The following GRIA1 variants were observed in gnomAD, a reference collection of about 807,000 sequenced individuals.
The protein encoded by GRIA1 is glutamate ionotropic receptor AMPA type subunit 1.
Under a neutral mutation model 99.2 loss-of-function variants are expected in GRIA1, and 31 were observed. That is an observed-to-expected ratio of 0.31 (90% confidence interval 0.23 to 0.42). The LOEUF (loss-of-function observed/expected upper bound fraction) is 0.42. Ranked by LOEUF, GRIA1 falls within the 10% of genes least tolerant of loss-of-function variation. GRIA1 has a pLI of 1.00. For missense variants in GRIA1, 782 were observed against 1,157.5 expected, an observed-to-expected ratio of 0.68 and a Z score of 4.71; for synonymous variants, 438 against 432.4, an observed-to-expected ratio of 1.01 and a Z score of -0.16.
chr5:153,809,495 GA>G (rs35437029), intron 15 of GRIA1, among the ~76,000 whole-genome samples: 5 of 152,212 alleles, frequency 3.3e-5, no homozygotes, highest in East Asian at 1.9e-4. Flanking sequence ...GATAGCAGGG[GA>G]AAAAAATGGG....
At chr5:153,803,724 G>C (rs1314236600) in intron 15 of GRIA1, among the ~76,000 whole-genome samples, 1 of 152,122 alleles carries the variant, frequency 6.6e-6, no homozygotes, top group East Asian at 1.9e-4. Flanking sequence ...GGTAGAATTT[G>C]CTTTATTAGA....
chr5:153,659,270 T>G (rs1449766005), intron 5 of GRIA1, among the ~76,000 whole-genome samples: 2 of 152,372 alleles, frequency 1.3e-5, no homozygotes, highest in South Asian at 2.1e-4. Flanking sequence ...TACATATGCA[T>G]ATATATGCTT....
chr5:153,653,322 G>C (rs946254445), intron 4 of GRIA1, among the ~76,000 whole-genome samples: 1 of 152,166 alleles, frequency 6.6e-6, no homozygotes, highest in Non-Finnish European at 1.5e-5. Context: ...GGCATGTGAG[G>C]GCTGGGTTTC....
In GRIA1 at chr5:153,691,627, T is replaced by G. The variant is rs1757763377; in HGVS notation, c.1134+5298T>G. Among the ~76,000 whole-genome samples, 5 of 152,340 alleles carry G rather than the reference T, an allele frequency of 3.3e-5. No homozygotes were observed. In the South Asian group the frequency reaches 1.0e-3, roughly 32 times the overall value. On this transcript the variant is annotated intron_variant, in intron 8 of 15. Coordinates refer to ENST00000285900, the MANE Select transcript of GRIA1 (RefSeq NM_000827.4). ...TTTATAGCTTGCCATTCCATATGCT[T>G]TTTGGAAGTTTTGCTTTAAATCCTT...
intron 2 of GRIA1, among the ~76,000 whole-genome samples, chr5:153,628,832 T>C (rs945822732): frequency 6.6e-6 from 1 of 152,186 alleles, no homozygotes; most frequent in Admixed American, 6.5e-5. Context: ...GTCCACTCTT[T>C]GTTGTGTGTT....
chr5:153,498,611 A>G (rs1162287038), intron 2 of GRIA1, among the ~76,000 whole-genome samples: 1 of 152,204 alleles, frequency 6.6e-6, no homozygotes, highest in Non-Finnish European at 1.5e-5. Context: ...CAACAGAGAG[A>G]TGGCCTTAGC....
At chr5:153,702,800 A>G (rs1345143837) in intron 10 of GRIA1, among the ~76,000 whole-genome samples, 1 of 152,236 alleles carries the variant, frequency 6.6e-6, no homozygotes, top group Non-Finnish European at 1.5e-5. Flanking sequence ...GTTTAAGAAA[A>G]TAATTTTGAC....
In GRIA1 at chr5:153,674,458, C is replaced by T. The variant is rs972644971; in HGVS notation, c.700-42C>T. The T allele has an allele frequency of 1.4e-5, 23 of 1,608,310 alleles. No homozygotes were observed. The Admixed American group carries it at 3.0e-4, about 21-fold the overall frequency. On this transcript the variant is annotated intron_variant, in intron 5 of 15. Coordinates refer to ENST00000285900, the MANE Select transcript of GRIA1 (RefSeq NM_000827.4). ...TTGGAACAGGTTAAGTTGATTTATCCAGGCAGCATGTTCTAACTTCTCCCT... is the reference window on the plus strand; with the variant it reads ...TTGGAACAGGTTAAGTTGATTTATCTAGGCAGCATGTTCTAACTTCTCCCT...
At chr5:153,749,756 A>T (rs953091398) in intron 11 of GRIA1, among the ~76,000 whole-genome samples, 1 of 151,238 alleles carries the variant, frequency 6.6e-6, no homozygotes, top group Non-Finnish European at 1.5e-5. Context: ...AGTGAACCAA[A>T]GAATGAATGA....
intron 2 of GRIA1, among the ~76,000 whole-genome samples, chr5:153,591,562 C>T (rs1180008514): frequency 6.6e-6 from 1 of 152,130 alleles, no homozygotes; most frequent in Non-Finnish European, 1.5e-5. Context: ...CTGTGAGCTC[C>T]TAGAGGACAT....
At chr5:153,803,421 G>A (rs1482846901) in intron 15 of GRIA1, among the ~76,000 whole-genome samples, 1 of 152,202 alleles carries the variant, frequency 6.6e-6, no homozygotes, top group African/African-American at 2.4e-5. Flanking sequence ...GCATCATGAG[G>A]ACTCAGAGAG....
chr5:153,709,987 T>C (rs1443539632), intron 11 of GRIA1, among the ~76,000 whole-genome samples: 2 of 152,176 alleles, frequency 1.3e-5, no homozygotes, highest in African/African-American at 4.8e-5. Flanking sequence ...ATAGAAATAA[T>C]CCAGAATTAG....
intron 11 of GRIA1, among the ~76,000 whole-genome samples, chr5:153,716,558 C>A (rs1397156342): frequency 6.6e-6 from 1 of 152,028 alleles, no homozygotes; most frequent in African/African-American, 2.4e-5. Flanking sequence ...GAGGCGAGCA[C>A]CCAGGAGAAC....
intron 1 of GRIA1, among the ~76,000 whole-genome samples, chr5:153,492,828 T>C (rs957774911): frequency 6.6e-6 from 1 of 152,072 alleles, no homozygotes; most frequent in Middle Eastern, 3.2e-3. Flanking sequence ...TAGAACAAAA[T>C]GCTGAAAATA....
intron 15 of GRIA1, among the ~76,000 whole-genome samples, chr5:153,808,438 C>T (rs747870789): frequency 8.5e-5 from 13 of 152,148 alleles, no homozygotes; most frequent in Non-Finnish European, 1.8e-4. Flanking sequence ...GGTCATTCAT[C>T]TTGTCACTAG....
chr5:153,599,938 A>G lies in GRIA1; in HGVS notation c.221-46990A>G, dbSNP rs1469106790. On this transcript the variant is annotated intron_variant, in intron 2 of 15. Coordinates refer to ENST00000285900, the MANE Select transcript of GRIA1 (RefSeq NM_000827.4). ...GTCCTGAGGTACATGGTGGAGTCACAGGGGAAAGGAAGAAGGCTGTCGGCT... is the reference window on the plus strand; with the variant it reads ...GTCCTGAGGTACATGGTGGAGTCACGGGGGAAAGGAAGAAGGCTGTCGGCT... Among the ~76,000 whole-genome samples, 4 of 152,266 alleles carry G rather than the reference A, an allele frequency of 2.6e-5. No homozygotes were observed. In the East Asian group the frequency reaches 7.7e-4, roughly 29 times the overall value.
intron 2 of GRIA1, among the ~76,000 whole-genome samples, chr5:153,629,935 A>T (rs1752813305): frequency 1.3e-5 from 2 of 152,158 alleles, no homozygotes; most frequent in Non-Finnish European, 2.9e-5. Context: ...GAATTGATAA[A>T]TTTACTTATT....
chr5:153,808,234 T>C (rs913926335), intron 15 of GRIA1, among the ~76,000 whole-genome samples: 3 of 152,124 alleles, frequency 2.0e-5, no homozygotes, highest in Admixed American at 2.0e-4. Context: ...ACTCATCCCT[T>C]TGTCTCTGAA....
At chr5:153,728,003 C>A (rs868245690) in intron 11 of GRIA1, among the ~76,000 whole-genome samples, 1 of 151,390 alleles carries the variant, frequency 6.6e-6, no homozygotes. Flanking sequence ...CTACAGTAAC[C>A]AAAACAGCAT....
Sources: allele counts gnomAD v4.1 joint callset (sites outside exome capture counted in the v4.1 genomes callset), GRCh38; gene constraint gnomAD v4.1.1; transcripts MANE v1.5; gene names NCBI Gene and HGNC (gene_info 2026-07-23, HGNC 2026-07-21).